The following MAP3K7CL variants were observed in gnomAD, a reference collection of about 807,000 sequenced individuals.
MAP3K7CL encodes MAP3K7 C-terminal-like protein.
In MAP3K7CL, 16 loss-of-function variants were observed where a neutral mutation model predicts 18.6. That is an observed-to-expected ratio of 0.86 (90% CI 0.58 to 1.31). The LOEUF is 1.31. Among genes scored for constraint, MAP3K7CL ranks in the 50% most tolerant of loss-of-function variants. The pLI, the probability that MAP3K7CL is intolerant of heterozygous loss-of-function variation, is 0.00. For synonymous variants in MAP3K7CL, 65 were observed against 66.8 expected (o/e 0.97, Z 0.13); for missense variants, 163 against 174.4 (o/e 0.93, Z 0.37).
intron 3 of MAP3K7CL, among the ~76,000 whole-genome samples, chr21:29,153,918 A>T (rs1198456385): frequency 1.3e-5 from 2 of 152,212 alleles, no homozygotes; most frequent in African/African-American, 4.8e-5. Context: ...ATGATCCAAA[A>T]CTATGCTATA....
In MAP3K7CL at chr21:29,133,293, CTT is replaced by C; in HGVS notation, c.-39-12_-39-11del. 6.5e-7 allele frequency: 1 copy of C among 1,546,780 alleles called. No individual in the cohort carries two copies. Among genetic ancestry groups the C allele is most frequent in the Non-Finnish European group, 8.7e-7 (1 of 1,143,754 alleles). ...CTGGATAAAGTGACAATGGCTCTCT[CTT>C]GCTGTCACAGCTGGAAGACCCAGGA... On this transcript the variant is annotated splice_polypyrimidine_tract_variant and intron_variant, in intron 1 of 4. Coordinates refer to ENST00000399928, the MANE Select transcript of MAP3K7CL (RefSeq NM_001286620.2).
chr21:29,148,235 G>A (rs376602678), intron 2 of MAP3K7CL, among the ~76,000 whole-genome samples: 1 of 151,636 alleles, frequency 6.6e-6, no homozygotes, highest in Non-Finnish European at 1.5e-5. Context: ...GTATGTGTAG[G>A]TATACTGTAT....
At chr21:29,116,248 C>A (rs1414914347) in intron 4 of MAP3K7CL, among the ~76,000 whole-genome samples, 1 of 152,204 alleles carries the variant, frequency 6.6e-6, no homozygotes, top group Non-Finnish European at 1.5e-5. Flanking sequence ...GAGATTCTTA[C>A]CTTGTTAAGT....
At chr21:29,163,618 G>A (rs762841817) in intron 4 of MAP3K7CL, among the ~76,000 whole-genome samples, 3 of 151,970 alleles carry the variant, frequency 2.0e-5, no homozygotes, top group Non-Finnish European at 2.9e-5. Context: ...CACTTCTCCC[G>A]GGGCAGGAGG....
intron 4 of MAP3K7CL, among the ~76,000 whole-genome samples, chr21:29,171,710 G>A (rs1295847526): frequency 1.3e-5 from 2 of 150,492 alleles, no homozygotes; most frequent in Non-Finnish European, 3.0e-5. Context: ...GCGAGGCTGA[G>A]GCAGGAGAAT....
upstream of MAP3K7CL, among the ~76,000 whole-genome samples, chr21:29,085,620 G>A (rs1360912271): frequency 2.0e-5 from 3 of 149,824 alleles, no homozygotes; most frequent in Non-Finnish European, 3.0e-5. Context: ...ATATCTTTTG[G>A]TTCTTGTTGG....
intron 4 of MAP3K7CL, among the ~76,000 whole-genome samples, chr21:29,160,581 C>T (rs191293821): frequency 7.9e-5 from 12 of 152,340 alleles, no homozygotes; most frequent in African/African-American, 2.6e-4. Context: ...ATTTTACTCA[C>T]TCATAACTTT....
rs370553714 is a variant in MAP3K7CL at position 29,092,462 on chromosome 21, C to T, written c.251C>T (p.Thr84Ile). 2.5e-6 allele frequency: 4 copies of T among 1,614,116 alleles called. No individual in the cohort carries two copies. The African/African-American group carries it at 5.3e-5, about 22-fold the overall frequency. The change falls in exon 4 of 7, where the codon ACA becomes ATA. Residue 84 changes from threonine (T) to isoleucine (I), a missense_variant. Coordinates refer to the MAP3K7CL transcript ENST00000286791. ...AGTATTTCAGTTTTATGCTCTGCAA[C>T]AAGTTTGGCCATGTTGGAGGACAAT...
chr21:29,104,283 A>G (rs1382763924), intron 4 of MAP3K7CL, among the ~76,000 whole-genome samples: 1 of 151,766 alleles, frequency 6.6e-6, no homozygotes, highest in East Asian at 1.9e-4. Flanking sequence ...TTCTGTTCTC[A>G]TTTCAAAACT....
intron 3 of MAP3K7CL, among the ~76,000 whole-genome samples, chr21:29,159,224 A>G (rs1433310245): frequency 6.6e-6 from 1 of 152,240 alleles, no homozygotes; most frequent in Admixed American, 6.5e-5. Flanking sequence ...AGAAAAATAA[A>G]CTTGGGGAAA....
At chr21:29,081,603 G>T (rs1206557739), upstream of MAP3K7CL, among the ~76,000 whole-genome samples, 1 of 152,076 alleles carries the variant, frequency 6.6e-6, no homozygotes, top group Non-Finnish European at 1.5e-5. Context: ...TTCCCAACTT[G>T]GTTCTGATGG....
upstream of MAP3K7CL, among the ~76,000 whole-genome samples, chr21:29,081,554 AAAAAAAAAAAAT>A (rs1036813837): frequency 2.0e-5 from 3 of 150,388 alleles, no homozygotes; most frequent in African/African-American, 7.3e-5. Context: ...CTCCGTCTCA[AAAAAAAAAAAAT>A]TGTTTATGGT....
At chr21:29,147,924 CTG>C (rs976676499) in intron 2 of MAP3K7CL, among the ~76,000 whole-genome samples, 3 of 149,410 alleles carry the variant, frequency 2.0e-5, no homozygotes, top group African/African-American at 7.5e-5. Context: ...TGTATGTGTA[CTG>C]TGTATGTATC....
intron 1 of MAP3K7CL, chr21:29,091,358 A>G (rs2086024468): frequency 1.9e-6 from 1 of 540,132 alleles, no homozygotes; most frequent in South Asian, 2.6e-5. Context: ...AAAAAATAGA[A>G]TGTTTTTAGC....
At chr21:29,143,722 C>G (rs1268636081) in intron 2 of MAP3K7CL, among the ~76,000 whole-genome samples, 5 of 152,114 alleles carry the variant, frequency 3.3e-5, no homozygotes, top group African/African-American at 9.7e-5. Context: ...CCCGCGTGGC[C>G]CAACCTAAAC....
intron 4 of MAP3K7CL, among the ~76,000 whole-genome samples, chr21:29,169,452 T>A (rs2087770630): frequency 6.6e-6 from 1 of 152,210 alleles, no homozygotes; most frequent in Non-Finnish European, 1.5e-5. Flanking sequence ...CTGTCCTGCG[T>A]ATGAATGCTT....
At chr21:29,113,926 G>C (rs1375566927) in intron 4 of MAP3K7CL, among the ~76,000 whole-genome samples, 1 of 152,198 alleles carries the variant, frequency 6.6e-6, no homozygotes, top group African/African-American at 2.4e-5. Flanking sequence ...AATGAGGAAG[G>C]AGTGTGCTTG....
At chr21:29,149,654 C>G (rs1316293734) in intron 3 of MAP3K7CL, among the ~76,000 whole-genome samples, 1 of 152,156 alleles carries the variant, frequency 6.6e-6, no homozygotes, top group African/African-American at 2.4e-5. Context: ...GAATAATCTT[C>G]CTTTCTCTGT....
At chr21:29,102,459 TTC>T (rs5843367) in intron 4 of MAP3K7CL, 42,878 of 127,864 alleles carry the variant, frequency 0.34, 8,358 homozygotes, top group South Asian at 0.51. Flanking sequence ...ACTGACTTGA[TTC>T]TCTCTCTCTC....
Sources: allele counts gnomAD v4.1 joint callset (sites outside exome capture counted in the v4.1 genomes callset), GRCh38; gene constraint gnomAD v4.1.1; transcripts MANE v1.5; gene names NCBI Gene and HGNC (gene_info 2026-07-23, HGNC 2026-07-21).